Variants in ANKRD28 observed in about 807,000 individuals in gnomAD.
The protein encoded by ANKRD28 is serine/threonine-protein phosphatase 6 regulatory ankyrin repeat subunit A.
In ANKRD28, 44 loss-of-function variants were observed where a neutral mutation model predicts 126.5. That is an observed-to-expected ratio of 0.35 (90% CI 0.27 to 0.45). The LOEUF (loss-of-function observed/expected upper bound fraction) is 0.45, where lower values mean the gene tolerates loss of function less well. Among genes scored for constraint, ANKRD28 ranks in the 20% least tolerant of loss-of-function variants. The pLI, the probability that ANKRD28 is intolerant of heterozygous loss-of-function variation, is 1.00. For synonymous variants in ANKRD28, 442 were observed against 468.5 expected, an observed-to-expected ratio of 0.94 and a Z score of 0.73; for missense variants, 1,110 against 1,316.6, an observed-to-expected ratio of 0.84 and a Z score of 2.43.
chr3:15,764,755 C>T (rs114114319), intron 3 of ANKRD28, among the ~76,000 whole-genome samples: 2,916 of 152,194 alleles, frequency 0.019, 99 homozygotes, highest in African/African-American at 0.066. Flanking sequence ...TCAACCTCCT[C>T]AGTTCTTATC....
intron 2 of ANKRD28, among the ~76,000 whole-genome samples, chr3:15,790,069 C>T (rs369706471): frequency 6.6e-6 from 1 of 152,004 alleles, no homozygotes; most frequent in Non-Finnish European, 1.5e-5. Context: ...CATTCCTAGA[C>T]ATATACAACC....
intron 3 of ANKRD28, among the ~76,000 whole-genome samples, chr3:15,755,690 G>C (rs7651667): frequency 6.6e-6 from 1 of 152,166 alleles, no homozygotes; most frequent in Non-Finnish European, 1.5e-5. Context: ...AACAGTCTTT[G>C]TAGAGAGAAA....
At chr3:15,750,597 T>C (rs2125360329) in intron 4 of ANKRD28, among the ~76,000 whole-genome samples, 1 of 152,320 alleles carries the variant, frequency 6.6e-6, no homozygotes, top group Middle Eastern at 3.4e-3. Flanking sequence ...GCTAATAGAT[T>C]GCCTCTGTTA....
At chr3:15,855,910 G>C (rs777767731) in intron 1 of ANKRD28, among the ~76,000 whole-genome samples, 9 of 152,230 alleles carry the variant, frequency 5.9e-5, no homozygotes, top group Non-Finnish European at 1.2e-4. Context: ...TACCCTTTAA[G>C]AGGGTGAACT....
intron 1 of ANKRD28, among the ~76,000 whole-genome samples, chr3:15,813,096 G>A (rs1179721070): frequency 1.4e-5 from 2 of 148,072 alleles, no homozygotes; most frequent in African/African-American, 2.5e-5. Flanking sequence ...TAATACAATG[G>A]CTCAGGCCTG....
At chr3:15,736,800 T>G (rs1294077737) in intron 5 of ANKRD28, among the ~76,000 whole-genome samples, 3 of 152,180 alleles carry the variant, frequency 2.0e-5, no homozygotes, top group Non-Finnish European at 4.4e-5. Flanking sequence ...CTTTTCCTGT[T>G]GTGTTAAGAG....
chr3:15,741,147 C>T lies in ANKRD28; in HGVS notation c.352-3914G>A, dbSNP rs981974570. Among the ~76,000 whole-genome samples, 8 of 151,780 alleles carry T rather than the reference C, an allele frequency of 5.3e-5. No homozygotes were observed. The East Asian group carries it at 9.7e-4, about 18-fold the overall frequency. ...CTGGGAGGCGGAGCTTGCAGTGAGC[C>T]GAGATCGCGCCATTGCACTCCAGCT... On this transcript the variant is annotated intron_variant, in intron 4 of 27. Coordinates refer to ENST00000683139, the MANE Select transcript of ANKRD28 (RefSeq NM_001349278.2).
At chr3:15,850,657 G>A (rs1351954888) in intron 1 of ANKRD28, among the ~76,000 whole-genome samples, 1 of 152,190 alleles carries the variant, frequency 6.6e-6, no homozygotes, top group Non-Finnish European at 1.5e-5. Flanking sequence ...TTCCTGGACA[G>A]TGGCATCCCC....
At position 15,806,643 on chromosome 3, in the gene ANKRD28, T is replaced by G. The variant is rs191594949; in HGVS notation, c.28-11337A>C. Among the ~76,000 whole-genome samples the G allele has an allele frequency of 2.6e-5, 4 of 152,182 alleles. No individual in the cohort carries two copies. In the East Asian group the frequency reaches 7.7e-4, roughly 29 times the overall value. The stretch of plus-strand genomic sequence containing the variant: ...TTCAAGTGATTCTCCTGCCTCAGCC[T>G]CCCGAGTAGCTGGGATTACAGGCGC... On this transcript the variant is annotated intron_variant, in intron 1 of 27. Transcript: ENST00000399451.
Position 15,717,907 on chromosome 3 carries a change from A to T in ANKRD28, c.996+3008T>A, listed in dbSNP as rs531949717. 1.7e-4 allele frequency among the ~76,000 whole-genome samples: 26 copies of T among 152,296 alleles called. No individual in the cohort carries two copies. In the East Asian group the frequency reaches 5.0e-3, roughly 29 times the overall value. On this transcript the variant is annotated intron_variant, in intron 8 of 27. Coordinates refer to ENST00000683139, the MANE Select transcript of ANKRD28 (RefSeq NM_001349278.2). ...TAAATTCACATTCCAATTTCTAGTC[A>T]TCTATAACTTGATCAAGGTCAGAAA...
At chr3:15,749,987 T>A (rs1245963419) in intron 4 of ANKRD28, among the ~76,000 whole-genome samples, 1 of 152,226 alleles carries the variant, frequency 6.6e-6, no homozygotes. Context: ...AGAGTAGAAT[T>A]AAGAAACTTA....
At chr3:15,711,139 G>A in intron 12 of ANKRD28, 72 bp downstream of exon 12, 1 of 1,305,122 alleles carries the variant, frequency 7.7e-7, no homozygotes, top group South Asian at 1.4e-5. Flanking sequence ...TAATAAAAAA[G>A]AACAAAGATA....
chr3:15,737,941 C>T (rs1390294057), intron 4 of ANKRD28, among the ~76,000 whole-genome samples: 1 of 149,452 alleles, frequency 6.7e-6, no homozygotes, highest in Non-Finnish European at 1.5e-5. Context: ...GTTCTTTTTG[C>T]AGTGCTGCTT....
intron 7 of ANKRD28, 56 bp downstream of exon 7, chr3:15,724,326 T>A (rs1480510814): frequency 7.2e-7 from 1 of 1,397,304 alleles, no homozygotes; most frequent in African/African-American, 1.5e-5. Flanking sequence ...GTCAATAATG[T>A]AATAGTAAGT....
At chr3:15,857,248 T>A (rs962382222) in intron 1 of ANKRD28, among the ~76,000 whole-genome samples, 2 of 152,192 alleles carry the variant, frequency 1.3e-5, no homozygotes, top group Non-Finnish European at 2.9e-5. Flanking sequence ...AAAACCTCAA[T>A]GTTCGTTCTC....
chr3:15,741,107 G>C (rs1403764455), intron 4 of ANKRD28, among the ~76,000 whole-genome samples: 1 of 152,132 alleles, frequency 6.6e-6, no homozygotes, highest in African/African-American at 2.4e-5. Flanking sequence ...GCTGAGGCAG[G>C]AGAATGGCAT....
chr3:15,798,121 G>C, upstream of ANKRD28: 1 of 985,344 alleles, frequency 1.0e-6, no homozygotes, highest in Non-Finnish European at 1.2e-6. Flanking sequence ...AAATGAGTGC[G>C]CTTTTAACAT....
rs111808462 is a variant in ANKRD28 at position 15,845,513 on chromosome 3, C to G, written c.27+13864G>C. Among the ~76,000 whole-genome samples the G allele has an allele frequency of 6.6e-6, 1 of 152,152 alleles. No individual in the cohort carries two copies. The highest frequency in any genetic ancestry group is 2.4e-5 in the African/African-American group (1 of 41,430). ...TACAGACATGCTAGTTTCTAACTACCTGCCTATGCCTTGGATTAGGCTACT... is the reference window on the plus strand; with the variant it reads ...TACAGACATGCTAGTTTCTAACTACGTGCCTATGCCTTGGATTAGGCTACT... On this transcript the variant is annotated intron_variant, in intron 1 of 27. Transcript: ENST00000399451. The surrounding 1 kb of genome is among the most constrained non-coding windows in gnomAD (Gnocchi z 4.9).
At position 15,731,956 on chromosome 3, in the gene ANKRD28, G is replaced by A. The variant is rs1287471303; in HGVS notation, c.640+3454C>T. 2.0e-5 allele frequency: 3 copies of A among 150,420 alleles called. No homozygotes were observed. In the Admixed American group the frequency reaches 2.0e-4, roughly 10 times the overall value. 9.3% of individuals were successfully genotyped at this position (150,420 alleles called of 1,614,324 possible). A position where few individuals can be genotyped will look rare whatever the true frequency, so the allele number is the denominator to read the frequency against. The stretch of plus-strand genomic sequence containing the variant: ...AATCTTCCTTTACACTCACACTGAA[G>A]GTCAGAGCTGCAATGCAATATGGAT... On this transcript the variant is annotated intron_variant, in intron 6 of 27. Coordinates refer to ENST00000683139, the MANE Select transcript of ANKRD28 (RefSeq NM_001349278.2).
Sources: gnomAD v4.1 joint callset for allele counts (sites outside exome capture counted in the v4.1 genomes callset) on GRCh38, gnomAD v4.1.1 for gene constraint, Gnocchi (gnomAD v3.1) non-coding constraint, MANE v1.5 for transcripts, NCBI Gene and HGNC (gene_info 2026-07-23, HGNC 2026-07-21) for gene names.